The following MLPH variants were observed in gnomAD, a reference collection of about 807,000 sequenced individuals.
The protein encoded by MLPH is exophilin-3.
A neutral mutation model predicts 72.1 loss-of-function variants in MLPH; 51 were observed. That is an observed-to-expected ratio of 0.71 (90% CI 0.56 to 0.89). The LOEUF is 0.89. Ranked by LOEUF, MLPH falls within the 40% of genes least tolerant of loss-of-function variation. MLPH has a pLI of 0.00. For missense variants in MLPH, 743 were observed against 759.9 expected, an observed-to-expected ratio of 0.98 and a Z score of 0.26; for synonymous variants, 301 against 310.1, an observed-to-expected ratio of 0.97 and a Z score of 0.31.
intron 2 of MLPH, among the ~76,000 whole-genome samples, chr2:237,497,724 G>A (rs1323806726): frequency 2.0e-5 from 3 of 152,196 alleles, no homozygotes; most frequent in African/African-American, 7.2e-5. Context: ...CTCCTTCCCT[G>A]TCTTTCATCA....
intron 2 of MLPH, 49 bp downstream of exon 2, chr2:237,493,585 C>A: frequency 6.9e-7 from 1 of 1,446,116 alleles, no homozygotes; most frequent in East Asian, 2.3e-5. Context: ...CTGATCTTCC[C>A]CCAGGGCCAT....
In MLPH at chr2:237,554,459, C is replaced by A. The variant is rs1238083648; in HGVS notation, c.*867C>A. ...AGGCCACAGGAGTCAGCTTGCCACT[C>A]GCCCATTGGTTACATAGATGATCTC... is the stretch of plus-strand genomic sequence containing the variant. On this transcript the variant is annotated 3_prime_UTR_variant, in exon 16 of 16. Coordinates refer to ENST00000264605, the MANE Select transcript of MLPH (RefSeq NM_024101.7). 1 of 154,218 alleles carries A rather than the reference C, an allele frequency of 6.5e-6. No homozygotes were observed. Among genetic ancestry groups the A allele is most frequent in the Non-Finnish European group, 1.4e-5 (1 of 69,308 alleles). 9.6% of individuals were successfully genotyped at this position (154,218 alleles called of 1,614,324 possible). A position where few individuals can be genotyped will look rare whatever the true frequency, so the allele number is the denominator to read the frequency against.
intron 2 of MLPH, among the ~76,000 whole-genome samples, chr2:237,508,275 C>T (rs1182458156): frequency 6.6e-6 from 1 of 152,024 alleles, no homozygotes; most frequent in African/African-American, 2.4e-5. Context: ...CTGTGCCTGG[C>T]TAATTTTTGT....
chr2:237,519,059 T>G (rs1314349392), intron 5 of MLPH, among the ~76,000 whole-genome samples: 1 of 149,546 alleles, frequency 6.7e-6, no homozygotes, highest in African/African-American at 2.5e-5. Context: ...AGACCTTTTC[T>G]CCTTCTGGGT....
intron 4 of MLPH, among the ~76,000 whole-genome samples, chr2:237,513,156 C>G (rs1051471981): frequency 4.6e-5 from 7 of 151,798 alleles, no homozygotes; most frequent in Non-Finnish European, 7.4e-5. Flanking sequence ...GTTTTGAAAC[C>G]TGACCCAGCC....
intron 14 of MLPH, among the ~76,000 whole-genome samples, chr2:237,549,831 G>A (rs2149162578): frequency 6.6e-6 from 1 of 152,172 alleles, no homozygotes; most frequent in South Asian, 2.1e-4. Context: ...AGACATTGTT[G>A]GACTGATCTC....
chr2:237,498,950 C>T (rs1044746787), intron 2 of MLPH, among the ~76,000 whole-genome samples: 15 of 152,252 alleles, frequency 9.9e-5, no homozygotes, highest in Admixed American at 8.5e-4. Context: ...CTTTGTCCCT[C>T]CTGACCCTCT....
intron 14 of MLPH, among the ~76,000 whole-genome samples, chr2:237,549,985 AT>A (rs1020988510): frequency 6.6e-6 from 1 of 152,286 alleles, no homozygotes; most frequent in Admixed American, 6.5e-5. Flanking sequence ...ATGAAGTGGG[AT>A]TTCTTAGCAT....
At position 237,541,732 on chromosome 2, in the gene MLPH, C is replaced by G. The variant is rs534099699; in HGVS notation, c.1446+775C>G. Among the ~76,000 whole-genome samples, 4 of 152,240 alleles carry G rather than the reference C, an allele frequency of 2.6e-5. No homozygotes were observed. The highest frequency in any genetic ancestry group is 9.7e-5 in the African/African-American group (4 of 41,448). ...GAAGATCTGGTGCAAATACCTTAGA[C>G]GAAGCCCCAGCCTTCCTGGAGCTTG... On this transcript the variant is annotated intron_variant, in intron 11 of 15. Transcript: ENST00000264605. This position sits in a 1 kb window ranked among gnomAD's most constrained non-coding sequence, Gnocchi z 5.1.
intron 4 of MLPH, among the ~76,000 whole-genome samples, chr2:237,515,340 T>C (rs1009926240): frequency 3.3e-5 from 5 of 152,124 alleles, no homozygotes; most frequent in African/African-American, 1.2e-4. Context: ...TGGGCTGTCC[T>C]GAGGGTAGTG....
chr2:237,537,010 A>G (rs1480302853), intron 9 of MLPH, among the ~76,000 whole-genome samples: 1 of 152,226 alleles, frequency 6.6e-6, no homozygotes. Context: ...GCGAGGGGAC[A>G]CTGCTCGCGG....
chr2:237,500,087 A>G (rs1233469740), intron 2 of MLPH, among the ~76,000 whole-genome samples: 1 of 152,150 alleles, frequency 6.6e-6, no homozygotes, highest in Admixed American at 6.5e-5. Flanking sequence ...AAATCCAATA[A>G]TGGTAGCAGA....
At chr2:237,546,501 G>C (rs2080921230) in intron 12 of MLPH, 105 bp from the exon 13 acceptor site, 1 of 986,830 alleles carries the variant, frequency 1.0e-6, no homozygotes, top group Admixed American at 1.8e-5. Flanking sequence ...CCCCAACCCA[G>C]CATGTATAGA....
At chr2:237,500,141 G>A (rs558912202) in intron 2 of MLPH, among the ~76,000 whole-genome samples, 7 of 152,296 alleles carry the variant, frequency 4.6e-5, no homozygotes, top group Admixed American at 2.6e-4. Flanking sequence ...GCTCTACGTC[G>A]TGTGTTGGAG....
chr2:237,533,030 C>G (rs1379556493), intron 8 of MLPH, among the ~76,000 whole-genome samples: 1 of 152,196 alleles, frequency 6.6e-6, no homozygotes. Flanking sequence ...ATGAGAGGAG[C>G]TGATGGTGCC....
chr2:237,519,098 C>CTTTTTTTT (rs1296342977), intron 5 of MLPH, among the ~76,000 whole-genome samples: 1 of 138,536 alleles, frequency 7.2e-6, no homozygotes, highest in African/African-American at 2.9e-5. Context: ...TTTTTTTTTG[C>CTTTTTTTT]CAACCATGAG....
At chr2:237,520,129 A>G in intron 6 of MLPH, 100 bp downstream of exon 6, 1 of 1,517,198 alleles carries the variant, frequency 6.6e-7, no homozygotes, top group Non-Finnish European at 9.1e-7. Context: ...GCAGTGTCTG[A>G]TGGCCACACA....
intron 2 of MLPH, among the ~76,000 whole-genome samples, chr2:237,495,332 C>T (rs985749254): frequency 2.0e-5 from 3 of 152,236 alleles, no homozygotes; most frequent in Non-Finnish European, 4.4e-5. Flanking sequence ...GACATTTTCA[C>T]AGGTTCTTGG....
chr2:237,490,628 G>A (rs1202785791), intron 1 of MLPH, among the ~76,000 whole-genome samples: 1 of 152,142 alleles, frequency 6.6e-6, no homozygotes, highest in Non-Finnish European at 1.5e-5. Context: ...TGGTCACACT[G>A]TCCATCCATT....
Sources: gnomAD v4.1 joint callset for allele counts (sites outside exome capture counted in the v4.1 genomes callset) on GRCh38, gnomAD v4.1.1 for gene constraint, Gnocchi (gnomAD v3.1) non-coding constraint, MANE v1.5 for transcripts, NCBI Gene and HGNC (gene_info 2026-07-23, HGNC 2026-07-21) for gene names.